Variants in FOXP1 observed in about 807,000 individuals in gnomAD.
FOXP1 encodes forkhead box protein P1.
Under a neutral mutation model 98.2 loss-of-function variants are expected in FOXP1, and 15 were observed. The ratio of observed to expected loss-of-function variants is 0.15; its 90% CI spans 0.10 to 0.24. The LOEUF (loss-of-function observed/expected upper bound fraction) is 0.24, where lower values mean the gene tolerates loss of function less well. FOXP1 is among the 10% of genes least tolerant of loss of function. FOXP1 has a pLI of 1.00. For missense variants in FOXP1, 633 were observed against 848.5 expected (o/e 0.75, Z 3.15); for synonymous variants, 371 against 314.5 (o/e 1.18, Z -1.90).
At chr3:71,506,409 G>GT (rs1181490264) in intron 2 of FOXP1, among the ~76,000 whole-genome samples, 1 of 152,126 alleles carries the variant, frequency 6.6e-6, no homozygotes, top group Non-Finnish European at 1.5e-5. Flanking sequence ...CCACGGCGGC[G>GT]TATCTGCTAT....
intron 3 of FOXP1, among the ~76,000 whole-genome samples, chr3:71,469,420 C>T (rs187759011): frequency 3.3e-5 from 5 of 152,288 alleles, no homozygotes; most frequent in Admixed American, 3.3e-4. Flanking sequence ...AATCTCTTTC[C>T]CAGAAAACCA....
At chr3:71,058,521 A>G (rs1314839705) in intron 7 of FOXP1, among the ~76,000 whole-genome samples, 2 of 152,048 alleles carry the variant, frequency 1.3e-5, no homozygotes, top group Non-Finnish European at 2.9e-5. Context: ...AAATAGCAGG[A>G]GCAAAACAAA....
At position 71,153,052 on chromosome 3, in the gene FOXP1, T is replaced by C. The variant is rs2060650005; in HGVS notation, c.181-40415A>G. Among the ~76,000 whole-genome samples, 3 of 152,220 alleles carry C rather than the reference T, an allele frequency of 2.0e-5. No individual in the cohort carries two copies. In the South Asian group the frequency reaches 6.2e-4, roughly 32 times the overall value. On this transcript the variant is annotated intron_variant, in intron 6 of 20. Transcript: ENST00000649528. ...GCTGGTCCATCTAAAGCCAGAATGCTGAACTTTGTGACTGAGTGCTTGCAA... is the reference window on the plus strand; with the variant it reads ...GCTGGTCCATCTAAAGCCAGAATGCCGAACTTTGTGACTGAGTGCTTGCAA...
At chr3:71,385,732 T>C (rs1560408065) in intron 3 of FOXP1, among the ~76,000 whole-genome samples, 1 of 152,186 alleles carries the variant, frequency 6.6e-6, no homozygotes, top group South Asian at 2.1e-4. Context: ...AAATCTGTCA[T>C]CTCCAATGTG....
intron 3 of FOXP1, among the ~76,000 whole-genome samples, chr3:71,370,065 A>C (rs2079188490): frequency 6.6e-6 from 1 of 152,164 alleles, no homozygotes; most frequent in Non-Finnish European, 1.5e-5. Context: ...CACTGGGTGG[A>C]GGGTGAGGGA....
chr3:70,979,317 A>AAAAG (rs1169459223), intron 14 of FOXP1, among the ~76,000 whole-genome samples: 1 of 142,394 alleles, frequency 7.0e-6, no homozygotes, highest in Non-Finnish European at 1.5e-5. Flanking sequence ...AAAAAAAAAA[A>AAAAG]AAAGAAAAAA....
chr3:70,967,719 T>G (rs554485598), intron 19 of FOXP1, among the ~76,000 whole-genome samples: 40 of 136,274 alleles, frequency 2.9e-4, no homozygotes, highest in African/African-American at 4.0e-4. Flanking sequence ...TGTTTTTTTT[T>G]TTTTTTTTTG....
intron 3 of FOXP1, among the ~76,000 whole-genome samples, chr3:71,430,234 G>A (rs553000453): frequency 8.0e-4 from 122 of 152,244 alleles, no homozygotes; most frequent in Non-Finnish European, 1.3e-3. Flanking sequence ...GAGCGATTTC[G>A]GCATTGCTAA....
At chr3:71,283,212 G>A (rs182188705) in intron 5 of FOXP1, among the ~76,000 whole-genome samples, 1 of 152,148 alleles carries the variant, frequency 6.6e-6, no homozygotes, top group African/African-American at 2.4e-5. Flanking sequence ...ATAAGAATGA[G>A]CTGCTTGGGT....
intron 7 of FOXP1, among the ~76,000 whole-genome samples, chr3:71,084,813 G>A (rs966574106): frequency 1.2e-4 from 18 of 152,232 alleles, no homozygotes; most frequent in African/African-American, 3.4e-4. Context: ...TGGGGGAATC[G>A]CTGGAGCCCA....
chr3:71,439,449 A>C (rs2085697534), intron 3 of FOXP1, among the ~76,000 whole-genome samples: 2 of 152,234 alleles, frequency 1.3e-5, no homozygotes. Flanking sequence ...AAGGAAAAAT[A>C]GAATTACCAC....
intron 14 of FOXP1, among the ~76,000 whole-genome samples, chr3:70,985,237 C>T (rs2039530977): frequency 6.6e-6 from 1 of 152,204 alleles, no homozygotes; most frequent in Non-Finnish European, 1.5e-5. Flanking sequence ...GATACTCATT[C>T]AAACAAACGC....
chr3:71,126,308 C>T (rs1420209534), intron 6 of FOXP1, among the ~76,000 whole-genome samples: 1 of 148,280 alleles, frequency 6.7e-6, no homozygotes, highest in East Asian at 2.1e-4. Flanking sequence ...CACAGCGAAA[C>T]CCCGTCTCTA....
chr3:71,286,916 C>T (rs1653978), intron 5 of FOXP1, among the ~76,000 whole-genome samples: 135,989 of 152,230 alleles, frequency 0.89, 60,886 homozygotes, highest in Admixed American at 0.94. Flanking sequence ...ATGAAACTCA[C>T]TCAAGAGACT....
chr3:71,297,884 G>A (rs956540551), intron 5 of FOXP1, among the ~76,000 whole-genome samples: 1 of 152,118 alleles, frequency 6.6e-6, no homozygotes, highest in Non-Finnish European at 1.5e-5. Flanking sequence ...AGGGATTACA[G>A]ACATGAGCCA....
chr3:71,159,743 T>TA (rs1187851289), intron 6 of FOXP1, among the ~76,000 whole-genome samples: 1 of 152,044 alleles, frequency 6.6e-6, no homozygotes, highest in East Asian at 1.9e-4. Flanking sequence ...ACAAGAGGTT[T>TA]AAAAAAAATC....
chr3:70,978,393 G>GAAGT (rs1329108039), intron 14 of FOXP1, among the ~76,000 whole-genome samples: 1 of 152,206 alleles, frequency 6.6e-6, no homozygotes, highest in Non-Finnish European at 1.5e-5. Flanking sequence ...AAGAGGGAGA[G>GAAGT]AAGTCCTTAG....
chr3:71,475,196 G>T (rs776300732), intron 3 of FOXP1, among the ~76,000 whole-genome samples: 14 of 151,752 alleles, frequency 9.2e-5, no homozygotes, highest in Non-Finnish European at 1.6e-4. Flanking sequence ...CTCTCTCCTG[G>T]ATGCTAACCC....
At chr3:71,342,666 C>G (rs568390546) in intron 4 of FOXP1, among the ~76,000 whole-genome samples, 1 of 146,636 alleles carries the variant, frequency 6.8e-6, no homozygotes, top group South Asian at 2.2e-4. Flanking sequence ...GCACTCCAGC[C>G]TGGGTGACAG....
Sources: gnomAD v4.1 joint callset for allele counts (sites outside exome capture counted in the v4.1 genomes callset) on GRCh38, gnomAD v4.1.1 for gene constraint, MANE v1.5 for transcripts, NCBI Gene and HGNC (gene_info 2026-07-23, HGNC 2026-07-21) for gene names.